Variants in OSMR observed in about 807,000 individuals in gnomAD.
The protein encoded by OSMR is oncostatin-M-specific receptor subunit beta.
OSMR carries 81 observed loss-of-function variants against 99.9 expected under a neutral mutation model. That is an observed-to-expected ratio of 0.81 (90% CI 0.68 to 0.97). The LOEUF (loss-of-function observed/expected upper bound fraction) is 0.97, where lower values mean the gene tolerates loss of function less well. Ranked by LOEUF, OSMR falls within the 50% of genes least tolerant of loss-of-function variation. OSMR has a pLI of 0.00. For missense variants in OSMR, 1,099 were observed against 1,153.4 expected, an observed-to-expected ratio of 0.95 and a Z score of 0.68; for synonymous variants, 406 against 410.4, an observed-to-expected ratio of 0.99 and a Z score of 0.13.
chr5:38,893,900 A>G (rs1744318901), intron 7 of OSMR, among the ~76,000 whole-genome samples: 1 of 152,202 alleles, frequency 6.6e-6, no homozygotes, highest in Non-Finnish European at 1.5e-5. Context: ...CCAGCACTAA[A>G]GAAAAAATCT....
chr5:38,942,074 C>T, intron 1 of OSMR: 1 of 374,188 alleles, frequency 2.7e-6, no homozygotes, highest in Non-Finnish European at 4.8e-6. Flanking sequence ...ACTCTTAAAA[C>T]TGTGGTAATG....
At chr5:38,855,138 GC>G (rs1180059942) in intron 1 of OSMR, among the ~76,000 whole-genome samples, 1 of 152,174 alleles carries the variant, frequency 6.6e-6, no homozygotes, top group African/African-American at 2.4e-5. Context: ...CACCCTTGAG[GC>G]AAGCTAGGAA....
rs888734275 is a variant in OSMR, at chr5:38,925,357, C to T, written c.2198C>T (p.Thr733Ile). The T allele has an allele frequency of 6.2e-7, 1 of 1,613,900 alleles. No homozygotes were observed. Among genetic ancestry groups the T allele is most frequent in the Non-Finnish European group, 8.5e-7 (1 of 1,179,772 alleles). The change falls in exon 15 of 18, where the codon ACT (threonine) becomes ATT (isoleucine). Residue 733 changes from threonine to isoleucine, a missense_variant. Thr to Ile is a moderately conservative substitution (Grantham distance 89). Transcript: ENST00000274276. ...AGTGCTACGTTCACGAAGGTCACGACTCCGGATGAACACTGTGAGTTTTCC... is the reference window on the plus strand; with the variant it reads ...AGTGCTACGTTCACGAAGGTCACGATTCCGGATGAACACTGTGAGTTTTCC... Reference protein sequence around the residue: ...GPSATFTKVTTPDEHSSMLIH... With the variant: ...GPSATFTKVTIPDEHSSMLIH...
intron 9 of OSMR, among the ~76,000 whole-genome samples, chr5:38,914,220 G>T (rs893701411): frequency 3.3e-5 from 5 of 152,162 alleles, no homozygotes; most frequent in African/African-American, 1.2e-4. Flanking sequence ...TGTTGGCTGA[G>T]GTTGTTTCTC....
At chr5:38,903,127 A>G (rs1028521177) in intron 7 of OSMR, among the ~76,000 whole-genome samples, 1 of 152,214 alleles carries the variant, frequency 6.6e-6, no homozygotes, top group Non-Finnish European at 1.5e-5. Context: ...TTTGTGAAGC[A>G]GGTGCTCTCT....
At chr5:38,895,756 G>A (rs1385640066) in intron 7 of OSMR, among the ~76,000 whole-genome samples, 1 of 151,906 alleles carries the variant, frequency 6.6e-6, no homozygotes, top group Non-Finnish European at 1.5e-5. Flanking sequence ...TTTCCCCAAT[G>A]TTTTCTTGTA....
intron 6 of OSMR, 84 bp from the exon 7 acceptor site, chr5:38,885,954 TA>T: frequency 6.4e-7 from 1 of 1,563,340 alleles, no homozygotes; most frequent in South Asian, 1.2e-5. Context: ...AGTCACTGAG[TA>T]TGCCCTGAGG....
downstream of OSMR, chr5:38,939,292 A>G (rs1242732147): frequency 4.3e-6 from 1 of 232,434 alleles, no homozygotes; most frequent in Non-Finnish European, 8.5e-6. Context: ...GCTCTAGATA[A>G]AAGAGCTGAA....
rs1012393960 is a variant in OSMR at position 38,933,772 on chromosome 5, C to G, written c.*328C>G. ...CTACAGACTCCCACTCAGTACTGTA[C>G]AGGGTGGCTGTGGTCCTAGAAGTTC... On this transcript the variant is annotated 3_prime_UTR_variant, in exon 18 of 18. Transcript: ENST00000274276. The G allele has an allele frequency of 3.3e-6, 1 of 300,802 alleles. No individual in the cohort carries two copies. The highest frequency in any genetic ancestry group is 2.1e-5 in the African/African-American group (1 of 47,324). 18.6% of individuals were successfully genotyped at this position (300,802 alleles called of 1,614,324 possible). A position where few individuals can be genotyped will look rare whatever the true frequency, so the allele number is the denominator to read the frequency against.
chr5:38,847,536 C>T lies in OSMR; in HGVS notation c.-14+1149C>T. ...GTTTCATTATGGTCTTGCTTTGTCTCTCTCCTGGGCTGCTTTAAAATGCAC... is the reference window on the plus strand; with the variant it reads ...GTTTCATTATGGTCTTGCTTTGTCTTTCTCCTGGGCTGCTTTAAAATGCAC... On this transcript the variant is annotated intron_variant, in intron 1 of 17. Transcript: ENST00000274276. 2.0e-5 allele frequency among the ~76,000 whole-genome samples: 3 copies of T among 152,266 alleles called. 1 individual carries two copies. The highest frequency in any genetic ancestry group is 2.0e-4 in the Admixed American group (3 of 15,296).
At position 38,862,568 on chromosome 5, in the gene OSMR, C is replaced by T. The variant is rs538251270; in HGVS notation, c.-13-6464C>T. 2.7e-4 allele frequency among the ~76,000 whole-genome samples: 40 copies of T among 147,584 alleles called. No homozygotes were observed. In the East Asian group the frequency reaches 6.5e-3, roughly 24 times the overall value. The stretch of plus-strand genomic sequence containing the variant: ...GGGTCTCCTCACTTCTCAGACGGGG[C>T]GGCCGGGCAGAGATGCTCCTCACCT... On this transcript the variant is annotated intron_variant, in intron 1 of 17. Coordinates refer to ENST00000274276, the MANE Select transcript of OSMR (RefSeq NM_003999.3).
chr5:38,933,147 A>G lies in OSMR; in HGVS notation c.2643A>G (p.Pro881=). Residue 881 remains proline (P), a synonymous_variant, in exon 18 of 18, where the codon CCA becomes CCG. Transcript: ENST00000274276. ...ATGTTCCAGTATCCCCAAAAGCCCC[A>G]AGTATGCTGGGACTAATGACCTCAC... ...CGHVPVSPKA[P]SMLGLMTSPE... is the part of the protein sequence containing the mutation. 1 of 1,614,164 alleles carries G rather than the reference A, an allele frequency of 6.2e-7. No homozygotes were observed. The highest frequency in any genetic ancestry group is 8.5e-7 in the Non-Finnish European group (1 of 1,180,020).
intron 16 of OSMR, 39 bp from the exon 17 acceptor site, chr5:38,932,424 T>A (rs764313719): frequency 1.2e-5 from 18 of 1,460,926 alleles, no homozygotes; most frequent in Non-Finnish European, 1.6e-5. Context: ...TCGTCCACTG[T>A]ACTGTGAAAT....
Position 38,884,207 on chromosome 5 carries a change from G to A in OSMR, c.703+96G>A, listed in dbSNP as rs964384356. On this transcript the variant is annotated intron_variant, in intron 5 of 17. Coordinates refer to ENST00000274276, the MANE Select transcript of OSMR (RefSeq NM_003999.3). ...AAGACAAATAAACATTTCTACCCAT[G>A]ATCTTGATTTTCTTTTGTTTCCCAA... The A allele has an allele frequency of 3.9e-6, 4 of 1,033,960 alleles. No homozygotes were observed. In the African/African-American group the frequency reaches 4.7e-5, roughly 12 times the overall value. 64.0% of individuals were successfully genotyped at this position (1,033,960 alleles called of 1,614,324 possible).
rs1255325031 is a variant in OSMR, at chr5:38,934,677, A to ATATTT, written c.*1235_*1239dup. 5.9e-5 allele frequency: 9 copies of ATATTT among 151,642 alleles called. No individual in the cohort carries two copies. The highest frequency in any genetic ancestry group is 3.9e-4 in the Admixed American group (6 of 15,216). The allele number at this position is 151,642 out of a possible 1,614,324, so 9.4% of individuals were successfully genotyped here. A position where few individuals can be genotyped will look rare whatever the true frequency, so the allele number is the denominator to read the frequency against. Reference sequence around the variant, plus strand: ...ATGCTACCACACCTGACTAGTTTTTATATTTTTAGTAGAGATTGGGTTTTA... The same window carrying ATATTT: ...ATGCTACCACACCTGACTAGTTTTTATATTTTATTTTTAGTAGAGATTGGGTTTTA... On this transcript the variant is annotated 3_prime_UTR_variant, in exon 18 of 18. Coordinates refer to ENST00000274276, the MANE Select transcript of OSMR (RefSeq NM_003999.3).
intron 12 of OSMR, chr5:38,922,898 C>A (rs896325507): frequency 6.6e-6 from 1 of 152,598 alleles, no homozygotes; most frequent in Non-Finnish European, 1.5e-5. Flanking sequence ...TCCTCAGCCT[C>A]CCCGGTAGCT....
chr5:38,863,810 T>C (rs1741708914), intron 1 of OSMR, among the ~76,000 whole-genome samples: 1 of 152,228 alleles, frequency 6.6e-6, no homozygotes, highest in South Asian at 2.1e-4. Context: ...TTAGATTTAG[T>C]AATATTTGCT....
At chr5:38,885,121 A>G (rs1201543429) in intron 5 of OSMR, 2 of 888,354 alleles carry the variant, frequency 2.3e-6, no homozygotes, top group East Asian at 1.2e-4. Context: ...TGGACCATCC[A>G]TGCCCATGAC....
chr5:38,921,533 T>C, intron 11 of OSMR, 82 bp from the exon 12 acceptor site: 1 of 1,602,794 alleles, frequency 6.2e-7, no homozygotes, highest in Non-Finnish European at 8.5e-7. Flanking sequence ...AGTGCATGTA[T>C]GTATTTACTT....
Sources: allele counts gnomAD v4.1 joint callset (sites outside exome capture counted in the v4.1 genomes callset), GRCh38; gene constraint gnomAD v4.1.1; transcripts MANE v1.5; gene names NCBI Gene and HGNC (gene_info 2026-07-23, HGNC 2026-07-21).